The following AFF3 variants were observed in gnomAD, a reference collection of about 807,000 sequenced individuals.
The protein encoded by AFF3 is AF4/FMR2 family member 3.
A neutral mutation model predicts 129.7 loss-of-function variants in AFF3; 32 were observed. The observed-to-expected ratio is 0.25, with a 90% CI of 0.19 to 0.33. The LOEUF is 0.33. Among genes scored for constraint, AFF3 ranks in the 10% least tolerant of loss-of-function variants. AFF3 has a pLI of 1.00. For missense variants in AFF3, 1,373 were observed against 1,592.0 expected, an observed-to-expected ratio of 0.86 and a Z score of 2.34; for synonymous variants, 644 against 635.4, an observed-to-expected ratio of 1.01 and a Z score of -0.20.
At chr2:99,984,862 C>A (rs1452190510) in intron 7 of AFF3, among the ~76,000 whole-genome samples, 1 of 152,204 alleles carries the variant, frequency 6.6e-6, no homozygotes, top group Non-Finnish European at 1.5e-5. Context: ...GATAAAACCA[C>A]CCTGCTGTGT....
At chr2:99,777,947 C>CAAAAAAAGAAAAAAA (rs1684051218) in intron 8 of AFF3, among the ~76,000 whole-genome samples, 1 of 48,340 alleles carries the variant, frequency 2.1e-5, no homozygotes, top group Non-Finnish European at 3.8e-5. Flanking sequence ...AAAGCAAAAG[C>CAAAAAAAGAAAAAAA]AAAAAAAAAA....
In AFF3 at chr2:99,553,098, G is replaced by A. The variant is rs193107070; in HGVS notation, c.3559+1213C>T. 6.6e-5 allele frequency among the ~76,000 whole-genome samples: 10 copies of A among 152,124 alleles called. 1 individual carries two copies. Among genetic ancestry groups the A allele is most frequent in the Admixed American group, 3.9e-4 (6 of 15,274 alleles). On this transcript the variant is annotated intron_variant, in intron 24 of 24. Coordinates refer to ENST00000672756, the MANE Select transcript of AFF3 (RefSeq NM_001386135.1). ...ATTACAGGCGAGCACCACCACACCC[G>A]GCTAATGTTTGTATTTTCAGTAGAG...
At chr2:99,825,835 T>C (rs1688039785) in intron 8 of AFF3, among the ~76,000 whole-genome samples, 1 of 152,200 alleles carries the variant, frequency 6.6e-6, no homozygotes, top group South Asian at 2.1e-4. Context: ...TTTGTGCCAA[T>C]TGTACAATGT....
chr2:99,710,902 T>A (rs1351504941), intron 11 of AFF3, among the ~76,000 whole-genome samples: 1 of 152,152 alleles, frequency 6.6e-6, no homozygotes, highest in Non-Finnish European at 1.5e-5. Flanking sequence ...GGTGAGCAGG[T>A]GGGACGAGGC....
At chr2:99,636,511 T>C (rs1206347150) in intron 13 of AFF3, among the ~76,000 whole-genome samples, 1 of 152,200 alleles carries the variant, frequency 6.6e-6, no homozygotes, top group Non-Finnish European at 1.5e-5. Flanking sequence ...CCTCTCGGGA[T>C]GAGAGCGGCA....
intron 3 of AFF3, chr2:100,105,152 G>A (rs1691185121): frequency 3.8e-6 from 1 of 261,608 alleles, no homozygotes; most frequent in Admixed American, 6.5e-5. Context: ...TCGGCCGCCC[G>A]CCCGCGCCCG....
At chr2:99,887,113 G>T (rs958373986) in intron 7 of AFF3, among the ~76,000 whole-genome samples, 3 of 152,178 alleles carry the variant, frequency 2.0e-5, no homozygotes, top group African/African-American at 7.2e-5. Context: ...CAACAGGTGT[G>T]CTGATGGAAG....
intron 7 of AFF3, among the ~76,000 whole-genome samples, chr2:99,976,144 G>C (rs1056924051): frequency 1.3e-5 from 2 of 151,880 alleles, no homozygotes; most frequent in Admixed American, 6.6e-5. Flanking sequence ...TTTCTGGTGG[G>C]AATACTTCAG....
rs537515056 is a variant in AFF3 at position 100,098,448 on chromosome 2, C to T, written c.53+5954G>A. On this transcript the variant is annotated intron_variant, in intron 4 of 24. Coordinates refer to ENST00000672756, the MANE Select transcript of AFF3 (RefSeq NM_001386135.1). Reference sequence around the variant, plus strand: ...AATTCCACTTACACACAAAATCTTGCATTCCATATTGAGAGGTTTTTTTTT... The same window carrying T: ...AATTCCACTTACACACAAAATCTTGTATTCCATATTGAGAGGTTTTTTTTT... 2.0e-5 allele frequency among the ~76,000 whole-genome samples: 3 copies of T among 150,446 alleles called. No homozygotes were observed. In the East Asian group the frequency reaches 5.8e-4, roughly 29 times the overall value.
chr2:99,619,036 C>T (rs1385206227), intron 13 of AFF3, among the ~76,000 whole-genome samples: 1 of 152,188 alleles, frequency 6.6e-6, no homozygotes, highest in East Asian at 1.9e-4. Context: ...TGTGAGTTAC[C>T]ATGCCCGGCC....
intron 4 of AFF3, among the ~76,000 whole-genome samples, chr2:100,071,075 T>C (rs767168961): frequency 2.0e-5 from 3 of 152,062 alleles, no homozygotes; most frequent in Non-Finnish European, 4.4e-5. Flanking sequence ...ACAGTGTAGA[T>C]ACTCAAATAT....
intron 8 of AFF3, among the ~76,000 whole-genome samples, chr2:99,753,299 CA>C (rs11285043): frequency 0.73 from 110,747 of 151,710 alleles, 41,516 homozygotes; most frequent in East Asian, 0.92. Flanking sequence ...GGGGTTTCAC[CA>C]TGTTGGCCAG....
chr2:99,669,616 G>A (rs1182556488), intron 12 of AFF3, among the ~76,000 whole-genome samples: 1 of 152,140 alleles, frequency 6.6e-6, no homozygotes, highest in Non-Finnish European at 1.5e-5. Context: ...TTTTCATCTG[G>A]ATATTGGTTA....
intron 7 of AFF3, among the ~76,000 whole-genome samples, chr2:99,900,410 C>T (rs539138453): frequency 1.3e-5 from 2 of 152,258 alleles, no homozygotes; most frequent in South Asian, 4.1e-4. Context: ...ATATGTAGCT[C>T]TAAGACTCGG....
intron 8 of AFF3, among the ~76,000 whole-genome samples, chr2:99,764,610 T>C (rs1682862512): frequency 6.6e-6 from 1 of 152,236 alleles, no homozygotes; most frequent in Non-Finnish European, 1.5e-5. Context: ...TACTTGTGTT[T>C]AAAAAATAAT....
rs530073150 is a variant in AFF3 at position 99,565,517 on chromosome 2, G to A, written c.3089C>T (p.Thr1030Met). Residue 1030 changes from threonine to methionine, a missense_variant, in exon 20 of 25, where the codon ACG becomes ATG. This residue lies in a region of AFF3 where 65 missense variants were observed against 102.1 expected (regional missense o/e 0.64). Coordinates refer to ENST00000672756, the MANE Select transcript of AFF3 (RefSeq NM_001386135.1). Reference sequence around the variant, plus strand: ...GAGCTCTACTGTTTCTGAATACATCGTATAAGGAGATTTGGATTCCATGGG... The same window carrying A: ...GAGCTCTACTGTTTCTGAATACATCATATAAGGAGATTTGGATTCCATGGG... ...QGPMESKSPYTMYSETVELIR... is the reference protein window; with the variant it reads ...QGPMESKSPYMMYSETVELIR... 8.1e-6 allele frequency: 13 copies of A among 1,614,140 alleles called. 1 individual carries two copies. In the South Asian group the frequency reaches 8.8e-5, roughly 11 times the overall value.
chr2:99,643,589 G>A (rs1448274553), intron 13 of AFF3, among the ~76,000 whole-genome samples: 2 of 152,158 alleles, frequency 1.3e-5, no homozygotes, highest in South Asian at 2.1e-4. Context: ...AGGGGACTGG[G>A]TGACACATTA....
chr2:99,576,039 A>G (rs1676955851), intron 18 of AFF3, among the ~76,000 whole-genome samples: 1 of 145,458 alleles, frequency 6.9e-6, no homozygotes, highest in African/African-American at 2.5e-5. Context: ...GTGAGACATG[A>G]TTTTTTTTTT....
At chr2:99,599,392 G>A (rs985678045) in intron 14 of AFF3, among the ~76,000 whole-genome samples, 2 of 152,062 alleles carry the variant, frequency 1.3e-5, no homozygotes, top group South Asian at 4.1e-4. Flanking sequence ...CTGAGGAGCC[G>A]GGATTACAGG....
Sources: gnomAD v4.1 joint callset for allele counts (sites outside exome capture counted in the v4.1 genomes callset) on GRCh38, gnomAD v4.1.1 for gene constraint, gnomAD v4.1.1 regional missense constraint, MANE v1.5 for transcripts, NCBI Gene and HGNC (gene_info 2026-07-23, HGNC 2026-07-21) for gene names.